TMEM236: variants seen among roughly 807,000 people sequenced by gnomAD.
TMEM236 encodes transmembrane protein 236.
Under a neutral mutation model 14.7 loss-of-function variants are expected in TMEM236, and 11 were observed. The ratio of observed to expected loss-of-function variants is 0.75; its 90% CI spans 0.47 to 1.24. The LOEUF is 1.24. Among genes scored for constraint, TMEM236 ranks in the 50% most tolerant of loss-of-function variants. TMEM236 has a pLI of 0.00. For missense variants in TMEM236, 464 were observed against 427.3 expected, an observed-to-expected ratio of 1.09 and a Z score of -0.76; for synonymous variants, 182 against 168.6, an observed-to-expected ratio of 1.08 and a Z score of -0.62.
chr10:17,758,878 ATG>A (rs1837318253), intron 1 of TMEM236, among the ~76,000 whole-genome samples: 1 of 152,212 alleles, frequency 6.6e-6, no homozygotes, highest in South Asian at 2.1e-4. Flanking sequence ...CAGAGGTATT[ATG>A]TGTTATTTTA....
intron 2 of TMEM236, among the ~76,000 whole-genome samples, chr10:17,773,587 C>T (rs1331887147): frequency 1.3e-5 from 2 of 152,170 alleles, no homozygotes; most frequent in African/African-American, 4.8e-5. Flanking sequence ...ATCCACCCGC[C>T]TCGGCCTCCC....
intron 3 of TMEM236, among the ~76,000 whole-genome samples, chr10:17,792,794 G>A (rs1554836136): frequency 6.6e-6 from 1 of 152,196 alleles, no homozygotes; most frequent in African/African-American, 2.4e-5. Flanking sequence ...TTGCACCAAT[G>A]AATATTGTTT....
chr10:17,793,843 A>T (rs1026781421), intron 3 of TMEM236, among the ~76,000 whole-genome samples: 29,173 of 152,186 alleles, frequency 0.19, 3,174 homozygotes, highest in Non-Finnish European at 0.24. Context: ...ATCTGAGTTT[A>T]AAAAGAGATG....
At chr10:17,792,153 T>C (rs1837935580) in intron 3 of TMEM236, among the ~76,000 whole-genome samples, 1 of 152,206 alleles carries the variant, frequency 6.6e-6, no homozygotes, top group South Asian at 2.1e-4. Flanking sequence ...AGTGGTGCAA[T>C]CTCGGCTCAC....
intron 1 of TMEM236, among the ~76,000 whole-genome samples, chr10:17,759,615 A>G (rs1837327331): frequency 6.6e-6 from 1 of 152,188 alleles, no homozygotes; most frequent in African/African-American, 2.4e-5. Flanking sequence ...AGTACTATGT[A>G]CCAGGCATAA....
chr10:17,796,057 C>T lies in TMEM236; in HGVS notation c.609C>T (p.Ala203=). ...CCCAGGTGTCGCAGCCATCAGGAGC[C>T]ATGACACGGAGCCAGGAGTCTGTGT... ...NSTQVSQPSG[A]MTRSQESVFM... Residue 203 remains alanine, a synonymous_variant, in exon 4 of 4, where the codon GCC becomes GCT. Transcript: ENST00000377495. The T allele has an allele frequency of 3.7e-6, 6 of 1,613,930 alleles. No homozygotes were observed. Among genetic ancestry groups the T allele is most frequent in the Non-Finnish European group, 5.1e-6 (6 of 1,179,860 alleles).
intron 3 of TMEM236, among the ~76,000 whole-genome samples, chr10:17,794,691 A>G (rs1184705797): frequency 2.0e-5 from 3 of 152,160 alleles, no homozygotes; most frequent in Non-Finnish European, 4.4e-5. Flanking sequence ...GAACAGCTTA[A>G]AAACCTTGGA....
intron 3 of TMEM236, among the ~76,000 whole-genome samples, chr10:17,779,773 C>T (rs960650591): frequency 1.8e-3 from 267 of 152,208 alleles, no homozygotes; most frequent in African/African-American, 5.7e-3. Context: ...TTGGTCCAGA[C>T]CCCTGACTAC....
At chr10:17,774,029 T>TTCTGTTTG (rs1554835037) in intron 2 of TMEM236, among the ~76,000 whole-genome samples, 2 of 133,494 alleles carry the variant, frequency 1.5e-5, no homozygotes, top group African/African-American at 2.5e-5. Flanking sequence ...ATATATATAT[T>TTCTGTTTG]TTTGTTTGTT....
At chr10:17,760,102 G>T (rs1245254249) in intron 1 of TMEM236, among the ~76,000 whole-genome samples, 1 of 151,484 alleles carries the variant, frequency 6.6e-6, no homozygotes, top group Non-Finnish European at 1.5e-5. Context: ...GTGCACTGCT[G>T]GACACACGGG....
At chr10:17,787,664 A>G (rs971534536) in intron 3 of TMEM236, among the ~76,000 whole-genome samples, 1 of 152,196 alleles carries the variant, frequency 6.6e-6, no homozygotes, top group Non-Finnish European at 1.5e-5. Flanking sequence ...TTCCATATCA[A>G]TACCAGGCAC....
At chr10:17,772,836 A>C (rs1837595624) in intron 2 of TMEM236, among the ~76,000 whole-genome samples, 1 of 152,116 alleles carries the variant, frequency 6.6e-6, no homozygotes, top group Admixed American at 6.6e-5. Flanking sequence ...GCTCCTTTCA[A>C]TGACTCCCTT....
In TMEM236 at chr10:17,798,644, C is replaced by T. The variant is rs1456115123; in HGVS notation, c.*2140C>T. Reference sequence around the variant, plus strand: ...CCTCTGTTTTAGGATTTTTCTCACACTGTAAAAGAAGATTTACTCACAGTT... The same window carrying T: ...CCTCTGTTTTAGGATTTTTCTCACATTGTAAAAGAAGATTTACTCACAGTT... On this transcript the variant is annotated 3_prime_UTR_variant, in exon 4 of 4. Transcript: ENST00000377495. 1 of 534,264 alleles carries T rather than the reference C, an allele frequency of 1.9e-6. No individual in the cohort carries two copies. The highest frequency in any genetic ancestry group is 5.4e-5 in the East Asian group (1 of 18,368). The allele number at this position is 534,264 out of a possible 1,614,324, so 33.1% of individuals were successfully genotyped here. A position where few individuals can be genotyped will look rare whatever the true frequency, so the allele number is the denominator to read the frequency against.
intron 2 of TMEM236, among the ~76,000 whole-genome samples, chr10:17,773,720 T>A (rs1463995182): frequency 6.6e-6 from 1 of 152,242 alleles, no homozygotes; most frequent in Non-Finnish European, 1.5e-5. Flanking sequence ...TCTCCAGTAA[T>A]TAACAATGTT....
chr10:17,756,892 ATGT>A (rs1456849639), intron 1 of TMEM236, among the ~76,000 whole-genome samples: 1 of 152,094 alleles, frequency 6.6e-6, no homozygotes, highest in Non-Finnish European at 1.5e-5. Flanking sequence ...TTCAGATTTC[ATGT>A]TGTGCATCTG....
chr10:17,769,946 G>A (rs975256008), intron 1 of TMEM236, among the ~76,000 whole-genome samples: 72 of 152,250 alleles, frequency 4.7e-4, no homozygotes, highest in African/African-American at 1.4e-3. Context: ...CAGTTAGTGA[G>A]AATAGTACCC....
At chr10:17,780,046 G>T (rs1307057610) in intron 3 of TMEM236, among the ~76,000 whole-genome samples, 1 of 151,934 alleles carries the variant, frequency 6.6e-6, no homozygotes, top group African/African-American at 2.4e-5. Flanking sequence ...TTTTTTCTTG[G>T]AAACAACAGC....
rs923587562 is a variant in TMEM236 at position 17,752,756 on chromosome 10, G to A, written c.257+204G>A. ...TTATTTTTGCATTTTTAGTAGAGAC[G>A]GGTTTTTGCCATGTTGGCCAGGCTA... On this transcript the variant is annotated intron_variant, in intron 1 of 3. Transcript: ENST00000377495. Among the ~76,000 whole-genome samples the A allele has an allele frequency of 4.4e-3, 664 of 152,006 alleles. 4 individuals are homozygous for A. The highest frequency in any genetic ancestry group is 0.015 in the African/African-American group (623 of 41,448).
chr10:17,761,309 C>G (rs980829094), intron 1 of TMEM236, among the ~76,000 whole-genome samples: 1 of 152,258 alleles, frequency 6.6e-6, no homozygotes, highest in Non-Finnish European at 1.5e-5. Flanking sequence ...CTCTGGCAAC[C>G]TTCACCCACT....
Sources: allele counts gnomAD v4.1 joint callset (sites outside exome capture counted in the v4.1 genomes callset), GRCh38; gene constraint gnomAD v4.1.1; transcripts MANE v1.5; gene names NCBI Gene and HGNC (gene_info 2026-07-23, HGNC 2026-07-21).